Variants in DISC1 observed in about 807,000 individuals in gnomAD.
The protein encoded by DISC1 is disrupted in schizophrenia 1 protein.
Under a neutral mutation model 84.5 loss-of-function variants are expected in DISC1, and 57 were observed. The observed-to-expected ratio is 0.67, with a 90% CI of 0.55 to 0.84. DISC1 has a LOEUF of 0.84. Among genes scored for constraint, DISC1 ranks in the 40% least tolerant of loss-of-function variants. DISC1 has a pLI of 0.00. For missense variants in DISC1, 1,000 were observed against 1,057.8 expected (o/e 0.95, Z 0.76); for synonymous variants, 411 against 415.2 (o/e 0.99, Z 0.12).
intron 3 of DISC1, among the ~76,000 whole-genome samples, chr1:231,715,309 A>C (rs750469663): frequency 3.9e-5 from 6 of 152,374 alleles, no homozygotes; most frequent in Non-Finnish European, 7.3e-5. Flanking sequence ...GATTGAGAGC[A>C]GCATATGAAT....
chr1:231,813,345 G>T (rs2125716967), intron 8 of DISC1: 1 of 152,234 alleles, frequency 6.6e-6, no homozygotes. Context: ...GACATGTTGG[G>T]ACTTCATAAG....
At chr1:231,641,254 C>T (rs979850369) in intron 1 of DISC1, among the ~76,000 whole-genome samples, 1 of 152,206 alleles carries the variant, frequency 6.6e-6, no homozygotes, top group African/African-American at 2.4e-5. Flanking sequence ...TGTTACAGTT[C>T]TTAAAGGCGG....
chr1:231,795,994 C>G (rs2078734805), intron 7 of DISC1, among the ~76,000 whole-genome samples: 1 of 152,166 alleles, frequency 6.6e-6, no homozygotes, highest in South Asian at 2.1e-4. Context: ...CAGTTGGTGA[C>G]TGTTTTTTTG....
intron 9 of DISC1, among the ~76,000 whole-genome samples, chr1:231,936,746 G>C (rs546206418): frequency 6.6e-6 from 1 of 152,196 alleles, no homozygotes; most frequent in Non-Finnish European, 1.5e-5. Context: ...CTCAATACCT[G>C]TAATTAAGAA....
At chr1:232,014,971 G>A (rs999974980) in intron 11 of DISC1, among the ~76,000 whole-genome samples, 3 of 152,212 alleles carry the variant, frequency 2.0e-5, no homozygotes, top group Admixed American at 6.5e-5. Context: ...CTACAGAAGT[G>A]AAGAAACAAA....
At chr1:231,986,481 G>A (rs1453090261) in intron 10 of DISC1, among the ~76,000 whole-genome samples, 1 of 152,164 alleles carries the variant, frequency 6.6e-6, no homozygotes, top group Non-Finnish European at 1.5e-5. Context: ...GGGGCTGAAG[G>A]AATTGATGGA....
intron 2 of DISC1, among the ~76,000 whole-genome samples, chr1:231,700,608 G>T (rs896909492): frequency 1.3e-5 from 2 of 152,164 alleles, no homozygotes; most frequent in African/African-American, 4.8e-5. Context: ...TAGGGCCGGG[G>T]TTGGTTCCCA....
Position 232,036,770 on chromosome 1 carries a change from C to T in DISC1, c.2504C>T (p.Ala835Val), listed in dbSNP as rs751554416. The T allele has an allele frequency of 4.8e-5, 77 of 1,590,906 alleles. No homozygotes were observed. The East Asian group carries it at 5.7e-4, about 12-fold the overall frequency. The change falls in exon 13 of 13, where the codon GCG becomes GTG. Residue 835 changes from alanine (A) to valine (V), a missense_variant. Around this residue, in one of 3 missense-constraint regions of DISC1, gnomAD observed 397 missense variants for 377.5 expected, o/e 1.05. Coordinates refer to ENST00000439617, the MANE Select transcript of DISC1 (RefSeq NM_018662.3). ...MILQLQPAKE[A>V]GEREAAASCM... ...CTGCAGCTCCAGCCAGCAAAGGAGG[C>T]GGGAGAAAGAGAAGCTGCAGCTTCC...
intron 9 of DISC1, among the ~76,000 whole-genome samples, chr1:231,920,868 A>G (rs1289596998): frequency 2.0e-5 from 3 of 149,158 alleles, no homozygotes; most frequent in African/African-American, 4.9e-5. Context: ...GGGTAATGCT[A>G]CCTGGTTGAG....
At chr1:231,905,606 A>C (rs527557827) in intron 9 of DISC1, among the ~76,000 whole-genome samples, 1 of 152,176 alleles carries the variant, frequency 6.6e-6, no homozygotes, top group East Asian at 1.9e-4. Context: ...TGAGCAACAG[A>C]GCCAGATCCT....
chr1:231,832,609 A>G (rs61835449), intron 9 of DISC1, among the ~76,000 whole-genome samples: 90,490 of 147,752 alleles, frequency 0.61, 28,156 homozygotes, highest in Middle Eastern at 0.66. Context: ...TGCTGAGCCT[A>G]ATGGGTGTCA....
At chr1:231,908,803 C>T (rs1194066376) in intron 9 of DISC1, among the ~76,000 whole-genome samples, 1 of 152,168 alleles carries the variant, frequency 6.6e-6, no homozygotes, top group Non-Finnish European at 1.5e-5. Flanking sequence ...TATCCATGAG[C>T]ATGGAATGTT....
intron 11 of DISC1, among the ~76,000 whole-genome samples, chr1:232,022,283 C>A (rs932842361): frequency 6.6e-6 from 1 of 151,036 alleles, no homozygotes; most frequent in African/African-American, 2.4e-5. Context: ...AGGACCTGGG[C>A]AACTTTGCAC....
At chr1:231,678,709 C>T (rs534162797) in intron 1 of DISC1, among the ~76,000 whole-genome samples, 1 of 152,274 alleles carries the variant, frequency 6.6e-6, no homozygotes, top group South Asian at 2.1e-4. Context: ...ACTCTGTTGC[C>T]CAGGCTGGAG....
chr1:231,717,712 T>C (rs1430600982), intron 3 of DISC1, among the ~76,000 whole-genome samples: 2 of 152,202 alleles, frequency 1.3e-5, no homozygotes, highest in Non-Finnish European at 2.9e-5. Flanking sequence ...CACCATTCAA[T>C]AATTCTATGT....
At chr1:231,912,745 C>CTTTA (rs1449240077) in intron 9 of DISC1, among the ~76,000 whole-genome samples, 1 of 3,612 alleles carries the variant, frequency 2.8e-4, no homozygotes, top group East Asian at 7.5e-3. Flanking sequence ...GCTTGCTCTT[C>CTTTA]TTTCTTTCTT....
chr1:231,710,777 C>G (rs1420288814), intron 3 of DISC1, among the ~76,000 whole-genome samples: 1 of 152,088 alleles, frequency 6.6e-6, no homozygotes, highest in Non-Finnish European at 1.5e-5. Context: ...TCCTTGTGAC[C>G]TCATTGAAAC....
At chr1:231,846,391 A>T (rs572885788) in intron 9 of DISC1, among the ~76,000 whole-genome samples, 5 of 152,322 alleles carry the variant, frequency 3.3e-5, no homozygotes, top group South Asian at 2.1e-4. Flanking sequence ...AGGGATTTGG[A>T]CCCTGGCCTT....
At chr1:231,832,507 CGA>C (rs1268596722) in intron 9 of DISC1, among the ~76,000 whole-genome samples, 1 of 151,956 alleles carries the variant, frequency 6.6e-6, no homozygotes, top group Admixed American at 6.6e-5. Flanking sequence ...AGAATTATGC[CGA>C]GATAGGTAAC....
Sources: allele counts gnomAD v4.1 joint callset (sites outside exome capture counted in the v4.1 genomes callset), GRCh38; gene constraint gnomAD v4.1.1; regional missense constraint gnomAD v4.1.1; transcripts MANE v1.5; gene names NCBI Gene and HGNC (gene_info 2026-07-23, HGNC 2026-07-21).